Variants in JAKMIP2 observed in about 807,000 individuals in gnomAD.
JAKMIP2 encodes janus kinase and microtubule interacting protein 2, also known as janus kinase and microtubule-interacting protein 2.
JAKMIP2 carries 25 observed loss-of-function variants against 115.0 expected under a neutral mutation model. The ratio of observed to expected loss-of-function variants is 0.22; its 90% CI spans 0.16 to 0.30. The LOEUF (loss-of-function observed/expected upper bound fraction) is 0.30. Among genes scored for constraint, JAKMIP2 ranks in the 10% least tolerant of loss-of-function variants. The pLI is 1.00. For missense variants in JAKMIP2, 642 were observed against 957.6 expected (o/e 0.67, Z 4.35); for synonymous variants, 334 against 343.6 (o/e 0.97, Z 0.31).
chr5:147,610,539 G>A (rs1432289599), intron 20 of JAKMIP2, among the ~76,000 whole-genome samples: 2 of 152,216 alleles, frequency 1.3e-5, no homozygotes, highest in Admixed American at 6.5e-5. Flanking sequence ...ATTGCTGCCT[G>A]CTCCTTCCTA....
chr5:147,742,064 G>A (rs1045650805), intron 1 of JAKMIP2, among the ~76,000 whole-genome samples: 8 of 149,948 alleles, frequency 5.3e-5, no homozygotes, highest in South Asian at 4.2e-4. Context: ...ATATAATAGC[G>A]TACTATTATT....
rs117227631 is a variant in JAKMIP2 at position 147,621,454 on chromosome 5, A to G, written c.2065-711T>C. On this transcript the variant is annotated intron_variant, in intron 17 of 21. Coordinates refer to ENST00000616793, the MANE Select transcript of JAKMIP2 (RefSeq NM_001270941.2). Reference sequence around the variant, plus strand: ...TCTTCCAACTCTGAAGAAAAACTCAATGGTGTTGACTTTTGAGAGATCGTG... The same window carrying G: ...TCTTCCAACTCTGAAGAAAAACTCAGTGGTGTTGACTTTTGAGAGATCGTG... Among the ~76,000 whole-genome samples the G allele has an allele frequency of 8.1e-3, 1,239 of 152,312 alleles. 45 individuals are homozygous for G. The highest frequency in any genetic ancestry group is 0.068 in the East Asian group (354 of 5,172).
At chr5:147,766,150 C>T (rs972082233) in intron 1 of JAKMIP2, among the ~76,000 whole-genome samples, 5 of 152,252 alleles carry the variant, frequency 3.3e-5, no homozygotes, top group African/African-American at 9.6e-5. Context: ...CCCTCTCGGC[C>T]TCACTTCCCT....
In JAKMIP2 at chr5:147,782,683, G is replaced by T; in HGVS notation, c.-376C>A. The T allele has an allele frequency of 4.6e-6, 3 of 653,400 alleles. No homozygotes were observed. Among genetic ancestry groups the T allele is most frequent in the East Asian group, 2.8e-5 (1 of 35,724 alleles). The allele number at this position is 653,400 out of a possible 1,614,324, so 40.5% of individuals were successfully genotyped here. ...GGCGGCGGCAGCAGCAGCAGCAGCA[G>T]CATCACCAGTTGGGCCTCCTCCCTC... On this transcript the variant is annotated 5_prime_UTR_variant, in exon 1 of 22. It adds an upstream start codon to the 5' untranslated region. Transcript: ENST00000616793.
At chr5:147,624,165 T>C (rs1285982527) in intron 16 of JAKMIP2, among the ~76,000 whole-genome samples, 1 of 152,152 alleles carries the variant, frequency 6.6e-6, no homozygotes, top group East Asian at 1.9e-4. Context: ...GAAACAAGAC[T>C]ACAGTCTTCC....
At chr5:147,604,020 C>G (rs866485891) in intron 20 of JAKMIP2, among the ~76,000 whole-genome samples, 1 of 151,958 alleles carries the variant, frequency 6.6e-6, no homozygotes, top group South Asian at 2.1e-4. Flanking sequence ...TTGAGCCAGC[C>G]CTAGGGTAGC....
At chr5:147,628,090 T>C (rs963255322) in intron 16 of JAKMIP2, among the ~76,000 whole-genome samples, 1 of 151,972 alleles carries the variant, frequency 6.6e-6, no homozygotes, top group Non-Finnish European at 1.5e-5. Flanking sequence ...GGCATGATCA[T>C]AGTACACTAT....
At chr5:147,766,714 TC>T (rs1204544335) in intron 1 of JAKMIP2, among the ~76,000 whole-genome samples, 12 of 152,174 alleles carry the variant, frequency 7.9e-5, no homozygotes, top group African/African-American at 2.7e-4. Context: ...TTATTTTTTT[TC>T]ATTTGATTTT....
chr5:147,696,052 T>A (rs1752093856), intron 1 of JAKMIP2, among the ~76,000 whole-genome samples: 1 of 152,130 alleles, frequency 6.6e-6, no homozygotes, highest in African/African-American at 2.4e-5. Flanking sequence ...ACTTTCCTTA[T>A]CTCAATAAAG....
intron 19 of JAKMIP2, among the ~76,000 whole-genome samples, chr5:147,614,752 C>G (rs1168561013): frequency 6.6e-6 from 1 of 152,202 alleles, no homozygotes; most frequent in Non-Finnish European, 1.5e-5. Context: ...TGATGTGGCC[C>G]TTTCTTAGCT....
At chr5:147,718,327 G>A (rs889449835) in intron 1 of JAKMIP2, among the ~76,000 whole-genome samples, 14 of 149,924 alleles carry the variant, frequency 9.3e-5, no homozygotes, top group African/African-American at 3.0e-4. Flanking sequence ...TTGTGTCTCT[G>A]CCTGGCTTTG....
chr5:147,759,839 G>A (rs929487137), intron 1 of JAKMIP2, among the ~76,000 whole-genome samples: 1 of 152,102 alleles, frequency 6.6e-6, no homozygotes, highest in Non-Finnish European at 1.5e-5. Context: ...TGTGTTCTCT[G>A]TGAGGAGAAT....
intron 2 of JAKMIP2, among the ~76,000 whole-genome samples, chr5:147,670,855 C>T (rs1442172076): frequency 6.6e-6 from 1 of 152,122 alleles, no homozygotes; most frequent in East Asian, 1.9e-4. Context: ...ATTATTTAGG[C>T]TCTAGGGACA....
At chr5:147,702,579 G>GAAAGAAAGAAA (rs1561547232) in intron 1 of JAKMIP2, among the ~76,000 whole-genome samples, 2 of 80,496 alleles carry the variant, frequency 2.5e-5, no homozygotes, top group Admixed American at 1.4e-4. Context: ...AAAGAAAGAA[G>GAAAGAAAGAAA]GAAAGAAAGA....
chr5:147,646,031 T>C (rs1430016817), intron 5 of JAKMIP2, among the ~76,000 whole-genome samples: 2 of 152,200 alleles, frequency 1.3e-5, no homozygotes, highest in Non-Finnish European at 2.9e-5. Flanking sequence ...AATGTGAGTA[T>C]GTATTGGGAG....
At chr5:147,753,157 C>T (rs563024731) in intron 1 of JAKMIP2, among the ~76,000 whole-genome samples, 22 of 152,194 alleles carry the variant, frequency 1.4e-4, no homozygotes, top group Admixed American at 9.8e-4. Context: ...ATTAGATTTC[C>T]GTCTCTACCC....
At chr5:147,715,975 C>T (rs2126924566) in intron 1 of JAKMIP2, among the ~76,000 whole-genome samples, 1 of 132,600 alleles carries the variant, frequency 7.5e-6, no homozygotes, top group East Asian at 2.4e-4. Flanking sequence ...GGTATATCTC[C>T]CAATGCTATC....
intron 17 of JAKMIP2, among the ~76,000 whole-genome samples, chr5:147,623,039 GC>G (rs1756923209): frequency 6.6e-6 from 1 of 152,050 alleles, no homozygotes; most frequent in African/African-American, 2.4e-5. Flanking sequence ...TCTTGCCTCA[GC>G]CCCCTGAGTA....
At chr5:147,666,616 A>G (rs1216694891) in intron 2 of JAKMIP2, among the ~76,000 whole-genome samples, 1 of 152,246 alleles carries the variant, frequency 6.6e-6, no homozygotes, top group African/African-American at 2.4e-5. Flanking sequence ...CAGTCTTTAC[A>G]TAAGAACAAT....
Sources: gnomAD v4.1 joint callset for allele counts (sites outside exome capture counted in the v4.1 genomes callset) on GRCh38, gnomAD v4.1.1 for gene constraint, MANE v1.5 for transcripts, NCBI Gene and HGNC (gene_info 2026-07-23, HGNC 2026-07-21) for gene names.